Variants in COL24A1 observed in about 807,000 individuals in gnomAD.
COL24A1 encodes the protein collagen alpha-1(XXIV) chain.
Under a neutral mutation model 253.9 loss-of-function variants are expected in COL24A1, and 224 were observed. The ratio of observed to expected loss-of-function variants is 0.88; its 90% CI spans 0.79 to 0.99. COL24A1 has a LOEUF of 0.99. Ranked by LOEUF, COL24A1 falls within the 50% of genes least tolerant of loss-of-function variation. The probability of loss-of-function intolerance (pLI) is 0.00; values close to 1 mark genes in which losing one functional copy is unlikely to be tolerated. For synonymous variants in COL24A1, 685 were observed against 673.7 expected (o/e 1.02, Z -0.26); for missense variants, 2,131 against 2,068.5 (o/e 1.03, Z -0.59).
In COL24A1 at chr1:86,058,039, T is replaced by C. The variant is rs369340345; in HGVS notation, c.1807-64A>G. On this transcript the variant is annotated intron_variant, in intron 9 of 59. Transcript: ENST00000370571. The stretch of plus-strand genomic sequence containing the variant: ...CTTTTTAAAGAGTTAATAAATAGAT[T>C]AATAAAAAGGCCATATAAAGAGCTA... 16 of 1,328,740 alleles carry C rather than the reference T, an allele frequency of 1.2e-5. No individual in the cohort carries two copies. In the African/African-American group the frequency reaches 2.1e-4, roughly 17 times the overall value. The allele number at this position is 1,328,740 out of a possible 1,614,324, so 82.3% of individuals were successfully genotyped here. A position where few individuals can be genotyped will look rare whatever the true frequency, so the allele number is the denominator to read the frequency against.
chr1:85,988,412 CAA>C, intron 19 of COL24A1, among the ~76,000 whole-genome samples: 1 of 151,936 alleles, frequency 6.6e-6, no homozygotes, highest in East Asian at 1.9e-4. Context: ...GTGTTAAATA[CAA>C]TCTATGCTGG....
At chr1:86,025,812 C>A (rs17414470) in intron 14 of COL24A1, among the ~76,000 whole-genome samples, 20,446 of 152,140 alleles carry the variant, frequency 0.13, 1,454 homozygotes, top group Middle Eastern at 0.23. Flanking sequence ...CATTTTTCCC[C>A]ATCTTCTGTG....
intron 22 of COL24A1, among the ~76,000 whole-genome samples, chr1:85,968,356 T>C (rs1473034936): frequency 6.6e-6 from 1 of 152,200 alleles, no homozygotes; most frequent in Admixed American, 6.5e-5. Flanking sequence ...CATGCTCTTA[T>C]ATTTTTTCTT....
chr1:85,757,202 C>T (rs1430899965), intron 55 of COL24A1, among the ~76,000 whole-genome samples: 1 of 152,082 alleles, frequency 6.6e-6, no homozygotes, highest in Admixed American at 6.6e-5. Context: ...GTTAAAATGG[C>T]AAAATTTTGT....
intron 29 of COL24A1, 141 bp from the exon 30 acceptor site, chr1:85,896,206 T>C: frequency 8.5e-7 from 1 of 1,170,302 alleles, no homozygotes; most frequent in South Asian, 1.5e-5. Context: ...TCTCTGCCTG[T>C]GTAGTAAAAA....
chr1:85,867,033 T>C (rs1476233389), intron 37 of COL24A1, among the ~76,000 whole-genome samples: 1 of 152,202 alleles, frequency 6.6e-6, no homozygotes, highest in African/African-American at 2.4e-5. Flanking sequence ...GTTATAATAT[T>C]ATTTTAATTG....
intron 24 of COL24A1, among the ~76,000 whole-genome samples, chr1:85,937,076 T>C (rs1439419272): frequency 2.0e-5 from 3 of 147,540 alleles, no homozygotes; most frequent in African/African-American, 2.5e-5. Context: ...ACCTCTTCTT[T>C]AGCTGACACC....
intron 14 of COL24A1, among the ~76,000 whole-genome samples, chr1:86,025,041 A>G (rs1286905895): frequency 6.6e-6 from 1 of 152,162 alleles, no homozygotes; most frequent in Non-Finnish European, 1.5e-5. Context: ...ATGAACTTAG[A>G]AAAATAAAGA....
chr1:85,804,346 C>G (rs1194361704), intron 47 of COL24A1, among the ~76,000 whole-genome samples: 6 of 152,060 alleles, frequency 3.9e-5, no homozygotes, highest in Non-Finnish European at 8.8e-5. Context: ...TTCAGCAGAA[C>G]TGCACAAGAG....
intron 45 of COL24A1, among the ~76,000 whole-genome samples, chr1:85,822,493 G>A (rs1673746786): frequency 6.6e-6 from 1 of 152,186 alleles, no homozygotes; most frequent in Non-Finnish European, 1.5e-5. Context: ...GCTATTTAAA[G>A]TTGAGGCAAT....
At chr1:86,031,076 G>A (rs1698529911) in intron 14 of COL24A1, among the ~76,000 whole-genome samples, 1 of 152,128 alleles carries the variant, frequency 6.6e-6, no homozygotes, top group African/African-American at 2.4e-5. Context: ...GTAGATGAAT[G>A]AAGAAAATGT....
intron 33 of COL24A1, 82 bp from the exon 34 acceptor site, chr1:85,875,412 G>T: frequency 9.2e-7 from 1 of 1,090,566 alleles, no homozygotes; most frequent in Non-Finnish European, 1.4e-6. Context: ...TCAAGGGTGA[G>T]ATACCTGTGT....
intron 24 of COL24A1, among the ~76,000 whole-genome samples, chr1:85,956,928 T>C (rs1434615725): frequency 6.6e-6 from 1 of 152,070 alleles, no homozygotes; most frequent in Non-Finnish European, 1.5e-5. Flanking sequence ...AAAGACATAA[T>C]GAAACTAGAA....
intron 19 of COL24A1, among the ~76,000 whole-genome samples, chr1:86,006,926 T>C (rs61783510): frequency 8.1e-4 from 123 of 152,116 alleles, no homozygotes; most frequent in Non-Finnish European, 1.5e-3. Context: ...AAAACAACAA[T>C]GTGGGCTGGT....
Position 86,049,516 on chromosome 1 carries a change from A to G in COL24A1, c.1905+608T>C, listed in dbSNP as rs570933638. The stretch of plus-strand genomic sequence containing the variant: ...TTGTTCAATTCTACTGTTTTCAATT[A>G]ATACTGGCAATGTAAATGAAGGAAT... On this transcript the variant is annotated intron_variant, in intron 11 of 59. Transcript: ENST00000370571. 4.4e-4 allele frequency among the ~76,000 whole-genome samples: 67 copies of G among 152,312 alleles called. 1 individual carries two copies. The highest frequency in any genetic ancestry group is 1.5e-3 in the African/African-American group (62 of 41,572).
At chr1:85,863,016 T>A (rs1008704181) in intron 37 of COL24A1, among the ~76,000 whole-genome samples, 1 of 152,226 alleles carries the variant, frequency 6.6e-6, no homozygotes, top group Admixed American at 6.5e-5. Flanking sequence ...TAGTTCTCCT[T>A]GAAGAGGTCC....
intron 47 of COL24A1, among the ~76,000 whole-genome samples, chr1:85,813,456 T>TC (rs1490585854): frequency 7.7e-6 from 1 of 130,280 alleles, no homozygotes; most frequent in African/African-American, 3.9e-5. Context: ...CTGAAAGACC[T>TC]TTTTTTTTGC....
intron 2 of COL24A1, among the ~76,000 whole-genome samples, chr1:86,131,511 C>G (rs9659191): frequency 8.0e-6 from 1 of 125,372 alleles, no homozygotes. Context: ...ATCCCTCCCC[C>G]CTCCCCCCAC....
chr1:85,916,821 C>G (rs899812519), intron 24 of COL24A1, among the ~76,000 whole-genome samples: 7 of 152,138 alleles, frequency 4.6e-5, no homozygotes, highest in Non-Finnish European at 7.4e-5. Flanking sequence ...TAAATTGGTA[C>G]AATCACTTTG....
Sources: allele counts gnomAD v4.1 joint callset (sites outside exome capture counted in the v4.1 genomes callset), GRCh38; gene constraint gnomAD v4.1.1; transcripts MANE v1.5; gene names NCBI Gene and HGNC (gene_info 2026-07-23, HGNC 2026-07-21).